The following ANGPT2 variants were observed in gnomAD, a reference collection of about 807,000 sequenced individuals.
ANGPT2 encodes angiopoietin 2.
ANGPT2 carries 28 observed loss-of-function variants against 62.9 expected under a neutral mutation model. The observed-to-expected ratio is 0.44, with a 90% CI of 0.33 to 0.61. The LOEUF is 0.61. Ranked by LOEUF, ANGPT2 falls within the 20% of genes least tolerant of loss-of-function variation. The pLI is 0.03. For missense variants in ANGPT2, 727 were observed against 594.9 expected (o/e 1.22, Z -2.31); for synonymous variants, 284 against 207.8 (o/e 1.37, Z -3.15).
chr8:6,555,443 G>T (rs1176302639), intron 1 of ANGPT2, among the ~76,000 whole-genome samples: 1 of 147,862 alleles, frequency 6.8e-6, no homozygotes, highest in African/African-American at 2.6e-5. Context: ...AACATAATTT[G>T]TTTTACGGGG....
In ANGPT2 at chr8:6,503,340, G is replaced by A; in HGVS notation, c.1328-79C>T. The A allele has an allele frequency of 1.3e-5, 20 of 1,496,338 alleles. No homozygotes were observed. In the South Asian group the frequency reaches 2.4e-4, roughly 18 times the overall value. 92.7% of individuals were successfully genotyped at this position (1,496,338 alleles called of 1,614,324 possible). The stretch of plus-strand genomic sequence containing the variant: ...CACGAAGACAGCAATACTCAGCTAA[G>A]GCAGGAGGCACACTGCAGGCGTGTG... On this transcript the variant is annotated intron_variant, in intron 8 of 8. Coordinates refer to ENST00000629816, the MANE Select transcript of ANGPT2 (RefSeq NM_001118887.2).
chr8:6,525,901 A>G (rs1168674814), intron 3 of ANGPT2, among the ~76,000 whole-genome samples: 2 of 152,208 alleles, frequency 1.3e-5, no homozygotes, highest in African/African-American at 2.4e-5. Flanking sequence ...TATTTGGGGA[A>G]CATAATTGAC....
chr8:6,522,182 C>T (rs911798115), intron 3 of ANGPT2, among the ~76,000 whole-genome samples: 5 of 151,834 alleles, frequency 3.3e-5, no homozygotes, highest in South Asian at 2.1e-4. Context: ...GGTGAAACCC[C>T]GTCTCCACTA....
chr8:6,544,834 G>C (rs1822262128), intron 1 of ANGPT2, among the ~76,000 whole-genome samples: 1 of 152,176 alleles, frequency 6.6e-6, no homozygotes, highest in South Asian at 2.1e-4. Context: ...ACATCAGGAA[G>C]ACTCGAAATA....
At chr8:6,531,481 G>A (rs1047460073) in intron 2 of ANGPT2, among the ~76,000 whole-genome samples, 12 of 151,842 alleles carry the variant, frequency 7.9e-5, no homozygotes, top group Non-Finnish European at 1.3e-4. Context: ...TAGTAGAGAC[G>A]GGTTTTCGCC....
intron 1 of ANGPT2, among the ~76,000 whole-genome samples, chr8:6,547,396 G>C (rs140815762): frequency 2.7e-4 from 41 of 152,222 alleles, no homozygotes; most frequent in Non-Finnish European, 5.0e-4. Context: ...TGCAATGGAA[G>C]CTAGTGGAAA....
chr8:6,519,832 A>G (rs756054224), intron 5 of ANGPT2, 32 bp downstream of exon 5: 1 of 1,610,372 alleles, frequency 6.2e-7, no homozygotes. Context: ...GCCTAGAGCC[A>G]GGGAGTTAGT....
At chr8:6,509,538 C>T (rs908697298) in intron 7 of ANGPT2, among the ~76,000 whole-genome samples, 1 of 152,108 alleles carries the variant, frequency 6.6e-6, no homozygotes, top group Non-Finnish European at 1.5e-5. Context: ...ATCTACAGAA[C>T]GGTGCTGAAA....
At position 6,505,299 on chromosome 8, in the gene ANGPT2, ATAT is replaced by A. The variant is rs1563305829; in HGVS notation, c.1328-2041_1328-2039del. Among the ~76,000 whole-genome samples the A allele has an allele frequency of 6.5e-5, 6 of 91,776 alleles. 2 individuals carry two copies. The highest frequency in any genetic ancestry group is 4.0e-4 in the African/African-American group (6 of 14,904). 60.2% of individuals were successfully genotyped at this position (91,776 alleles called of 152,430 possible). A position where few individuals can be genotyped will look rare whatever the true frequency, so the allele number is the denominator to read the frequency against. On this transcript the variant is annotated intron_variant, in intron 8 of 8. Transcript: ENST00000629816. ...ATACATATATATGTTATATACATAT[ATAT>A]GTATATAACATATATATGTTATATA... is the stretch of plus-strand genomic sequence containing the variant.
chr8:6,504,576 G>A (rs997427410), intron 8 of ANGPT2, among the ~76,000 whole-genome samples: 3 of 152,122 alleles, frequency 2.0e-5, no homozygotes, highest in African/African-American at 7.2e-5. Flanking sequence ...AAGTGCAAGA[G>A]TGATGATGCT....
intron 2 of ANGPT2, among the ~76,000 whole-genome samples, chr8:6,528,315 G>A (rs1016610694): frequency 3.9e-5 from 6 of 152,194 alleles, no homozygotes; most frequent in African/African-American, 1.2e-4. Context: ...ACAAGTAGGA[G>A]TATAAAATGG....
At position 6,562,969 on chromosome 8, in the gene ANGPT2, C is replaced by G. The variant is rs3739390; in HGVS notation, c.-35G>C. ...AGTAATAAACCAGCAGCTTAGCAAA[C>G]TTGAGGGCAAACACACGTCCAGAGT... On this transcript the variant is annotated 5_prime_UTR_variant, in exon 1 of 9. Transcript: ENST00000629816. The G allele has an allele frequency of 0.061, 94,870 of 1,550,278 alleles. 3,146 individuals are homozygous for G. Among genetic ancestry groups the G allele is most frequent in the East Asian group, 0.11 (4,660 of 43,932 alleles).
Position 6,532,308 on chromosome 8 carries a change from T to C in ANGPT2, c.444+24A>G, listed in dbSNP as rs200306919. On this transcript the variant is annotated intron_variant, in intron 2 of 8. Transcript: ENST00000629816. ...CTAGTCTCTAGCTGCAGGGACACCGTGTGCTTTATGTGGCATTACTTACTT... is the reference window on the plus strand; with the variant it reads ...CTAGTCTCTAGCTGCAGGGACACCGCGTGCTTTATGTGGCATTACTTACTT... 4.3e-6 allele frequency: 7 copies of C among 1,613,870 alleles called. No homozygotes were observed. The African/African-American group carries it at 6.7e-5, about 15-fold the overall frequency.
chr8:6,499,725 T>C lies in ANGPT2; in HGVS notation c.*3376A>G, dbSNP rs1811781980. 3.9e-6 allele frequency: 3 copies of C among 777,108 alleles called. No homozygotes were observed. Among genetic ancestry groups the C allele is most frequent in the Admixed American group, 1.9e-5 (1 of 52,566 alleles). The allele number at this position is 777,108 out of a possible 1,614,324, so 48.1% of individuals were successfully genotyped here. On this transcript the variant is annotated 3_prime_UTR_variant, in exon 9 of 9. Coordinates refer to ENST00000629816, the MANE Select transcript of ANGPT2 (RefSeq NM_001118887.2). Reference sequence around the variant, plus strand: ...AAGATTCTGAAGGGACTTTGTTGTCTGAGAACACATCTATTTCAGATCTGC... The same window carrying C: ...AAGATTCTGAAGGGACTTTGTTGTCCGAGAACACATCTATTTCAGATCTGC...
chr8:6,518,022 A>G (rs1456433785), intron 5 of ANGPT2, among the ~76,000 whole-genome samples: 1 of 152,186 alleles, frequency 6.6e-6, no homozygotes, highest in African/African-American at 2.4e-5. Context: ...CCTGAGGCTC[A>G]TATAATCCCA....
intron 8 of ANGPT2, among the ~76,000 whole-genome samples, chr8:6,504,077 G>T (rs945628841): frequency 1.3e-5 from 2 of 152,136 alleles, no homozygotes; most frequent in African/African-American, 4.8e-5. Context: ...CCAGCACTTT[G>T]GGAGGCCGAG....
In ANGPT2 at chr8:6,519,879, A is replaced by G. The variant is rs1816981030; in HGVS notation, c.912T>C (p.Ser304=). 2 of 1,614,064 alleles carry G rather than the reference A, an allele frequency of 1.2e-6. No homozygotes were observed. The highest frequency in any genetic ancestry group is 1.7e-6 in the Non-Finnish European group (2 of 1,179,952). ...NGIYTLTFPN[S]TEEIKAYCDM... The stretch of plus-strand genomic sequence containing the variant: ...AATACCTCACCTTGATCTCTTCTGT[A>G]GAATTAGGGAATGTTAACGTGTAGA... Residue 304 remains serine (S), a synonymous_variant, in exon 5 of 9, where the codon TCT becomes TCC. Transcript: ENST00000629816.
chr8:6,521,515 G>C (rs1369934716), intron 3 of ANGPT2, 105 bp from the exon 4 acceptor site: 3 of 837,988 alleles, frequency 3.6e-6, no homozygotes, highest in Non-Finnish European at 5.4e-6. Context: ...ATATTGTAGT[G>C]GTTATAAAGT....
intron 8 of ANGPT2, among the ~76,000 whole-genome samples, chr8:6,504,260 G>A (rs1360995215): frequency 6.2e-5 from 9 of 146,254 alleles, no homozygotes; most frequent in Non-Finnish European, 1.2e-4. Context: ...GGAGCTTGCA[G>A]TGAGCCGAGA....
Sources: allele counts gnomAD v4.1 joint callset (sites outside exome capture counted in the v4.1 genomes callset), GRCh38; gene constraint gnomAD v4.1.1; transcripts MANE v1.5; gene names NCBI Gene and HGNC (gene_info 2026-07-23, HGNC 2026-07-21).